PDZRN3: variants seen among roughly 807,000 people sequenced by gnomAD.
The protein encoded by PDZRN3 is PDZ domain containing ring finger 3, also known as E3 ubiquitin-protein ligase PDZRN3.
PDZRN3 carries 38 observed loss-of-function variants against 85.7 expected under a neutral mutation model. The observed-to-expected ratio is 0.44, with a 90% confidence interval of 0.34 to 0.58. The LOEUF is 0.58. Among genes scored for constraint, PDZRN3 ranks in the 20% least tolerant of loss-of-function variants. The pLI, the probability that PDZRN3 is intolerant of heterozygous loss-of-function variation, is 0.01. For missense variants in PDZRN3, 1,629 were observed against 1,506.4 expected, an observed-to-expected ratio of 1.08 and a Z score of -1.35; for synonymous variants, 759 against 638.0, an observed-to-expected ratio of 1.19 and a Z score of -2.86.
chr3:73,611,164 C>T (rs1702679338), intron 1 of PDZRN3, among the ~76,000 whole-genome samples: 1 of 152,146 alleles, frequency 6.6e-6, no homozygotes. Context: ...CATCTTAGGT[C>T]CTGTTCAAGA....
intron 3 of PDZRN3, among the ~76,000 whole-genome samples, chr3:73,537,141 G>A (rs546166743): frequency 6.6e-6 from 1 of 152,280 alleles, no homozygotes; most frequent in South Asian, 2.1e-4. Context: ...CTGGCCAACA[G>A]AATGTGAGCA....
At chr3:73,457,614 A>G (rs1575667018) in intron 3 of PDZRN3, among the ~76,000 whole-genome samples, 1 of 152,194 alleles carries the variant, frequency 6.6e-6, no homozygotes, top group Admixed American at 6.5e-5. Context: ...TTGCAAGCCC[A>G]GTACTTGCCA....
chr3:73,460,104 C>A (rs1703073306), intron 3 of PDZRN3, among the ~76,000 whole-genome samples: 4 of 152,116 alleles, frequency 2.6e-5, no homozygotes, highest in South Asian at 4.1e-4. Context: ...ATCATCTTTA[C>A]CATTTTCAAG....
chr3:73,545,537 T>C (rs1701403470), intron 3 of PDZRN3, among the ~76,000 whole-genome samples: 1 of 152,196 alleles, frequency 6.6e-6, no homozygotes, highest in Non-Finnish European at 1.5e-5. Flanking sequence ...GTATGTTTAC[T>C]GAGCACTTAC....
At chr3:73,553,218 C>T (rs1343239653) in intron 3 of PDZRN3, among the ~76,000 whole-genome samples, 2 of 152,162 alleles carry the variant, frequency 1.3e-5, no homozygotes, top group Middle Eastern at 3.2e-3. Flanking sequence ...AGTGCTTACG[C>T]TTCTGATAAT....
intron 3 of PDZRN3, among the ~76,000 whole-genome samples, chr3:73,431,401 A>G (rs1370440776): frequency 6.6e-6 from 1 of 152,202 alleles, no homozygotes; most frequent in African/African-American, 2.4e-5. Flanking sequence ...AGGAAAGGAT[A>G]AAGTCTGAGC....
Position 73,384,074 on chromosome 3 carries a change from G to C in PDZRN3, c.2492C>G (p.Pro831Arg), listed in dbSNP as rs1703339039. The part of the protein sequence containing the change: ...TYSPSLKELD[P>R]NQPLESKERR... ...CTCTTTGCTTTCCAGGGGCTGGTTG[G>C]GGTCCAGCTCCTTCAGGGACGGGCT... Residue 831 changes from proline to arginine, a missense_variant, in exon 10 of 10, where the codon CCC becomes CGC. Pro to Arg is a moderately radical substitution (Grantham distance 103, BLOSUM62 -2). Transcript: ENST00000263666. 1 of 1,611,572 alleles carries C rather than the reference G, an allele frequency of 6.2e-7. No homozygotes were observed. Among genetic ancestry groups the C allele is most frequent in the Admixed American group, 1.7e-5 (1 of 59,824 alleles).
intron 3 of PDZRN3, among the ~76,000 whole-genome samples, chr3:73,591,241 T>A (rs7637829): frequency 0.57 from 87,069 of 151,992 alleles, 25,736 homozygotes; most frequent in East Asian, 0.69. Context: ...TCATGAGTCA[T>A]TATAAAAACA....
At chr3:73,524,114 T>C (rs1047212656) in intron 3 of PDZRN3, among the ~76,000 whole-genome samples, 5 of 152,170 alleles carry the variant, frequency 3.3e-5, no homozygotes, top group East Asian at 1.9e-4. Flanking sequence ...TGGGAAACAT[T>C]TGGACTAACA....
intron 3 of PDZRN3, among the ~76,000 whole-genome samples, chr3:73,522,080 G>A (rs916726870): frequency 6.6e-6 from 1 of 152,194 alleles, no homozygotes; most frequent in Admixed American, 6.5e-5. Context: ...CATAAATCAA[G>A]TTTTATTGAA....
chr3:73,569,028 C>G, intron 3 of PDZRN3: 1 of 442,632 alleles, frequency 2.3e-6, no homozygotes, highest in Non-Finnish European at 4.3e-6. Flanking sequence ...ATTCCCATTT[C>G]TAGATGAAAA....
At chr3:73,388,785 G>C (rs1471519351) in intron 7 of PDZRN3, among the ~76,000 whole-genome samples, 1 of 151,920 alleles carries the variant, frequency 6.6e-6, no homozygotes, top group East Asian at 1.9e-4. Context: ...TGGTTGGAGT[G>C]ATTGCCCTCA....
At chr3:73,401,039 C>T (rs1408002993) in intron 4 of PDZRN3, 30 bp from the exon 5 acceptor site, 1 of 1,496,402 alleles carries the variant, frequency 6.7e-7, no homozygotes, top group African/African-American at 1.4e-5. Context: ...CTTTACAGCC[C>T]TTCTTCCGTT....
chr3:73,474,376 G>A (rs1473404412), intron 3 of PDZRN3: 27 of 763,804 alleles, frequency 3.5e-5, no homozygotes, highest in East Asian at 6.6e-5. Context: ...AACTGCTATC[G>A]GTGGTGTATA....
intron 3 of PDZRN3, among the ~76,000 whole-genome samples, chr3:73,432,862 A>G (rs542127435): frequency 6.6e-6 from 1 of 152,290 alleles, no homozygotes; most frequent in Non-Finnish European, 1.5e-5. Flanking sequence ...ATTTTAGGAG[A>G]AAATCCTTAC....
chr3:73,395,367 T>C lies in PDZRN3; in HGVS notation c.1255-4251A>G, dbSNP rs553466144. Among the ~76,000 whole-genome samples, 8 of 152,380 alleles carry C rather than the reference T, an allele frequency of 5.3e-5. No individual in the cohort carries two copies. In the South Asian group the frequency reaches 1.5e-3, roughly 28 times the overall value. On this transcript the variant is annotated intron_variant, in intron 5 of 9. Coordinates refer to ENST00000263666, the MANE Select transcript of PDZRN3 (RefSeq NM_015009.3). Reference sequence around the variant, plus strand: ...CTATTAATCAAACTGGTATGAATAATGTAGTAGCATTATCTGGATTACAGC... The same window carrying C: ...CTATTAATCAAACTGGTATGAATAACGTAGTAGCATTATCTGGATTACAGC...
intron 3 of PDZRN3, among the ~76,000 whole-genome samples, chr3:73,447,413 C>G (rs914867267): frequency 2.6e-5 from 4 of 152,106 alleles, no homozygotes; most frequent in African/African-American, 9.7e-5. Flanking sequence ...CCCAAATCTG[C>G]CACTCCCCAG....
intron 1 of PDZRN3, among the ~76,000 whole-genome samples, chr3:73,615,321 A>G (rs1175780906): frequency 6.6e-6 from 1 of 152,228 alleles, no homozygotes; most frequent in Non-Finnish European, 1.5e-5. Flanking sequence ...TCACTGACTC[A>G]TCTGCTTTTC....
At chr3:73,445,862 C>T (rs1702738542) in intron 3 of PDZRN3, among the ~76,000 whole-genome samples, 2 of 152,154 alleles carry the variant, frequency 1.3e-5, no homozygotes, top group African/African-American at 4.8e-5. Flanking sequence ...ATGGCCAGAG[C>T]CCAGGGGCAG....
Sources: gnomAD v4.1 joint callset for allele counts (sites outside exome capture counted in the v4.1 genomes callset) on GRCh38, gnomAD v4.1.1 for gene constraint, MANE v1.5 for transcripts, NCBI Gene and HGNC (gene_info 2026-07-23, HGNC 2026-07-21) for gene names.